GSTA2: variants seen among roughly 807,000 people sequenced by gnomAD.
The protein encoded by GSTA2 is glutathione S-transferase A2.
Under a neutral mutation model 22.4 loss-of-function variants are expected in GSTA2, and 27 were observed. That is an observed-to-expected ratio of 1.21 (90% CI 0.89 to 1.67). The LOEUF (loss-of-function observed/expected upper bound fraction) is 1.67. Ranked by LOEUF, GSTA2 falls within the 40% of genes most tolerant of loss-of-function variation. The pLI, the probability that GSTA2 is intolerant of heterozygous loss-of-function variation, is 0.00. For missense variants in GSTA2, 302 were observed against 260.2 expected (o/e 1.16, Z -1.11); for synonymous variants, 121 against 86.8 (o/e 1.39, Z -2.19).
Position 52,752,899 on chromosome 6 carries a change from C to T in GSTA2, c.369G>A (p.Leu123=), listed in dbSNP as rs1273123514. The T allele has an allele frequency of 6.2e-7, 1 of 1,614,068 alleles. No homozygotes were observed. Among genetic ancestry groups the T allele is most frequent in the Non-Finnish European group, 8.5e-7 (1 of 1,179,956 alleles). Residue 123 remains leucine, a synonymous_variant, in exon 5 of 7, where the codon TTG becomes TTA. Coordinates refer to ENST00000493422, the MANE Select transcript of GSTA2 (RefSeq NM_000846.5). ...QPEEQDAKLA[L]IQEKTKNRYF... is the part of the protein sequence containing the mutation. ...AGCGATTTTTTGTTTTCTCTTGGAT[C>T]AAGGCAAGCTTGGCATCTTGTTCCT...
intron 1 of GSTA2, among the ~76,000 whole-genome samples, chr6:52,759,584 T>TTTG (rs1561897464): frequency 7.2e-5 from 9 of 124,316 alleles, no homozygotes; most frequent in African/African-American, 2.3e-4. Flanking sequence ...TTTTTTTTTT[T>TTTG]TTTTTTTTTT....
chr6:52,751,266 C>T (rs185693718), intron 6 of GSTA2, among the ~76,000 whole-genome samples: 54 of 152,208 alleles, frequency 3.5e-4, no homozygotes, highest in African/African-American at 1.3e-3. Context: ...GGATAAAGGA[C>T]ATCACAGAGA....
At chr6:52,754,356 C>A (rs1020936818) in intron 4 of GSTA2, among the ~76,000 whole-genome samples, 8 of 152,170 alleles carry the variant, frequency 5.3e-5, no homozygotes, top group African/African-American at 1.9e-4. Context: ...AACAAGGAGA[C>A]CCCTTGGCTT....
Position 52,757,898 on chromosome 6 carries a change from T to G in GSTA2, c.50A>C (p.Glu17Ala), listed in dbSNP as rs1762876754. The G allele has an allele frequency of 6.2e-7, 1 of 1,613,792 alleles. No individual in the cohort carries two copies. The highest frequency in any genetic ancestry group is 8.5e-7 in the Non-Finnish European group (1 of 1,179,740). Reference sequence around the variant, plus strand: ...TGCAGCCAGGAGCCACCGGATGGACTCCATTCTGCCCCGTATATTGGAGTA... The same window carrying G: ...TGCAGCCAGGAGCCACCGGATGGACGCCATTCTGCCCCGTATATTGGAGTA... ...LHYSNIRGRM[E>A]SIRWLLAAAG... Residue 17 changes from glutamate (E) to alanine (A), a missense_variant, in exon 2 of 7, where the codon GAG becomes GCG. Transcript: ENST00000493422.
intron 1 of GSTA2, among the ~76,000 whole-genome samples, chr6:52,762,328 G>A (rs1439650466): frequency 6.6e-6 from 1 of 152,144 alleles, no homozygotes; most frequent in Non-Finnish European, 1.5e-5. Context: ...TCTGTCTCCC[G>A]CTTATCCCTG....
Position 52,755,252 on chromosome 6 carries a change from T to C in GSTA2, c.140-177A>G, listed in dbSNP as rs1762818665. 2.7e-5 allele frequency among the ~76,000 whole-genome samples: 4 copies of C among 150,938 alleles called. No homozygotes were observed. In the South Asian group the frequency reaches 8.4e-4, roughly 32 times the overall value. ...TTTTTTGAGGCAGAGTATCATTCTGTTGTCCAGGCTGGAGTGGAGTGGTGT... is the reference window on the plus strand; with the variant it reads ...TTTTTTGAGGCAGAGTATCATTCTGCTGTCCAGGCTGGAGTGGAGTGGTGT... On this transcript the variant is annotated intron_variant, in intron 3 of 6. Coordinates refer to ENST00000493422, the MANE Select transcript of GSTA2 (RefSeq NM_000846.5).
Position 52,750,320 on chromosome 6 carries a change from T to C in GSTA2, c.*257A>G. The C allele has an allele frequency of 3.2e-6, 1 of 315,680 alleles. No individual in the cohort carries two copies. Among genetic ancestry groups the C allele is most frequent in the Non-Finnish European group, 5.8e-6 (1 of 171,774 alleles). 19.6% of individuals were successfully genotyped at this position (315,680 alleles called of 1,614,324 possible). A position where few individuals can be genotyped will look rare whatever the true frequency, so the allele number is the denominator to read the frequency against. On this transcript the variant is annotated 3_prime_UTR_variant, in exon 7 of 7. Transcript: ENST00000493422. Reference sequence around the variant, plus strand: ...CAAACCACATAATTTATAGTTTCCATTTTTACTGAATTTGTAATTCCAAGA... The same window carrying C: ...CAAACCACATAATTTATAGTTTCCACTTTTACTGAATTTGTAATTCCAAGA...
chr6:52,750,265 T>G lies in GSTA2; in HGVS notation c.*312A>C. 1 of 228,772 alleles carries G rather than the reference T, an allele frequency of 4.4e-6. No individual in the cohort carries two copies. The highest frequency in any genetic ancestry group is 8.6e-6 in the Non-Finnish European group (1 of 116,340). The allele number at this position is 228,772 out of a possible 1,614,324, so 14.2% of individuals were successfully genotyped here. ...TTAATAGATTGTATGACAAATTGTATGTTACAGGGCAATTCTTGGAAAAGT... is the reference window on the plus strand; with the variant it reads ...TTAATAGATTGTATGACAAATTGTAGGTTACAGGGCAATTCTTGGAAAAGT... On this transcript the variant is annotated 3_prime_UTR_variant, in exon 7 of 7. Transcript: ENST00000493422.
chr6:52,754,138 G>A (rs897578454), intron 4 of GSTA2, among the ~76,000 whole-genome samples: 15 of 152,006 alleles, frequency 9.9e-5, no homozygotes, highest in African/African-American at 2.9e-4. Flanking sequence ...TGGATATTTG[G>A]GTTGTTTCCA....
chr6:52,763,350 T>C (rs73740553), intron 1 of GSTA2, 94 bp downstream of exon 1: 1,872 of 173,670 alleles, frequency 0.011, 36 homozygotes, highest in African/African-American at 0.041. Context: ...ACAAACTTTT[T>C]CTTGTGCTAA....
At chr6:52,762,792 C>T (rs1400035231) in intron 1 of GSTA2, among the ~76,000 whole-genome samples, 3 of 152,306 alleles carry the variant, frequency 2.0e-5, no homozygotes, top group East Asian at 3.9e-4. Flanking sequence ...GGCAGGCCAC[C>T]CCTTCAGGGA....
chr6:52,762,851 T>C (rs1421283771), intron 1 of GSTA2, among the ~76,000 whole-genome samples: 2 of 152,182 alleles, frequency 1.3e-5, no homozygotes, highest in Non-Finnish European at 2.9e-5. Flanking sequence ...GTTCAAAGAA[T>C]TACACAGTTC....
At chr6:52,763,348 T>A (rs1382182251) in intron 1 of GSTA2, 96 bp downstream of exon 1, 2 of 173,220 alleles carry the variant, frequency 1.2e-5, no homozygotes, top group South Asian at 2.0e-4. Context: ...AAACAAACTT[T>A]TTCTTGTGCT....
In GSTA2 at chr6:52,750,318, C is replaced by T; in HGVS notation, c.*259G>A. 1 of 308,620 alleles carries T rather than the reference C, an allele frequency of 3.2e-6. No individual in the cohort carries two copies. The highest frequency in any genetic ancestry group is 5.0e-5 in the South Asian group (1 of 19,940). 19.1% of individuals were successfully genotyped at this position (308,620 alleles called of 1,614,324 possible). On this transcript the variant is annotated 3_prime_UTR_variant, in exon 7 of 7. Transcript: ENST00000493422. ...AACAAACCACATAATTTATAGTTTC[C>T]ATTTTTACTGAATTTGTAATTCCAA...
intron 2 of GSTA2, among the ~76,000 whole-genome samples, chr6:52,756,618 G>C (rs1274811482): frequency 6.6e-6 from 1 of 152,220 alleles, no homozygotes; most frequent in Admixed American, 6.5e-5. Flanking sequence ...AGTTCTTCTA[G>C]TTATGGTGTT....
chr6:52,757,821 A>G (rs1014219819), intron 2 of GSTA2, 40 bp downstream of exon 2: 3 of 1,528,752 alleles, frequency 2.0e-6, no homozygotes, highest in Non-Finnish European at 1.8e-6. Flanking sequence ...TGATAACGCA[A>G]TCGTAAATCT....
At chr6:52,756,623 G>T (rs143764533) in intron 2 of GSTA2, among the ~76,000 whole-genome samples, 2,718 of 152,276 alleles carry the variant, frequency 0.018, 86 homozygotes, top group African/African-American at 0.061. Context: ...TTCTAGTTAT[G>T]GTGTTGTCAT....
intron 6 of GSTA2, 44 bp downstream of exon 6, chr6:52,751,533 G>A (rs182611304): frequency 6.2e-7 from 1 of 1,612,704 alleles, no homozygotes; most frequent in East Asian, 2.2e-5. Flanking sequence ...ATCCCAAGAT[G>A]GGAGATGTGG....
Position 52,754,937 on chromosome 6 carries a change from C to A in GSTA2, c.272+6G>T, listed in dbSNP as rs62407560. On this transcript the variant is annotated splice_donor_region_variant and intron_variant, in intron 4 of 6. Coordinates refer to ENST00000493422, the MANE Select transcript of GSTA2 (RefSeq NM_000846.5). ...TGTGGATGGAAGAACAGAAAATATA[C>A]CGTACAGGGCTTTCTCCTTTATGTC... 7 of 1,612,866 alleles carry A rather than the reference C, an allele frequency of 4.3e-6. No individual in the cohort carries two copies. The highest frequency in any genetic ancestry group is 3.3e-5 in the Admixed American group (2 of 59,986).
Sources: gnomAD v4.1 joint callset for allele counts (sites outside exome capture counted in the v4.1 genomes callset) on GRCh38, gnomAD v4.1.1 for gene constraint, MANE v1.5 for transcripts, NCBI Gene and HGNC (gene_info 2026-07-23, HGNC 2026-07-21) for gene names.